The following ETV6 variants were observed in gnomAD, a reference collection of about 807,000 sequenced individuals.
ETV6 encodes the protein ETS variant transcription factor 6, also known as transcription factor ETV6.
A neutral mutation model predicts 51.1 loss-of-function variants in ETV6; 16 were observed. That is an observed-to-expected ratio of 0.31 (90% confidence interval 0.21 to 0.48). ETV6 has a LOEUF of 0.48. ETV6 is among the 20% of genes least tolerant of loss of function. The pLI is 0.99. For synonymous variants in ETV6, 240 were observed against 224.1 expected, an observed-to-expected ratio of 1.07 and a Z score of -0.64; for missense variants, 458 against 594.8, an observed-to-expected ratio of 0.77 and a Z score of 2.39.
chr12:11,751,299 C>G (rs1236750425), intron 1 of ETV6: 4 of 517,688 alleles, frequency 7.7e-6, no homozygotes, highest in Non-Finnish European at 1.5e-5. Context: ...AACGTAAACA[C>G]TGCCTTCCCT....
At chr12:11,725,672 G>A (rs1865474736) in intron 1 of ETV6, among the ~76,000 whole-genome samples, 1 of 152,202 alleles carries the variant, frequency 6.6e-6, no homozygotes, top group African/African-American at 2.4e-5. Context: ...GGTCATGGAA[G>A]TGGATCCCTC....
intron 1 of ETV6, among the ~76,000 whole-genome samples, chr12:11,667,202 G>C (rs1264796482): frequency 6.6e-6 from 1 of 152,216 alleles, no homozygotes; most frequent in Non-Finnish European, 1.5e-5. Flanking sequence ...AAGGCCGATG[G>C]ATAGTAGTTG....
At chr12:11,854,912 A>G (rs1946607809) in intron 4 of ETV6, among the ~76,000 whole-genome samples, 1 of 152,140 alleles carries the variant, frequency 6.6e-6, no homozygotes, top group African/African-American at 2.4e-5. Flanking sequence ...GTTCCTCTTA[A>G]TCATTGGTAG....
intron 2 of ETV6, among the ~76,000 whole-genome samples, chr12:11,812,719 A>G (rs1186747792): frequency 6.6e-6 from 1 of 152,184 alleles, no homozygotes; most frequent in African/African-American, 2.4e-5. Flanking sequence ...GGACTGTAAC[A>G]AAAGGCTTCT....
intron 1 of ETV6, among the ~76,000 whole-genome samples, chr12:11,678,910 G>C (rs1864472793): frequency 6.6e-6 from 1 of 152,144 alleles, no homozygotes; most frequent in South Asian, 2.1e-4. Flanking sequence ...TCTTGTTCTT[G>C]TTCTGTTCAG....
chr12:11,769,049 A>G, intron 2 of ETV6: 1 of 431,654 alleles, frequency 2.3e-6, no homozygotes, highest in South Asian at 1.7e-5. Flanking sequence ...GAGAGAAAAA[A>G]CTTGGATAAT....
intron 7 of ETV6, 62 bp downstream of exon 7, chr12:11,886,088 G>A: frequency 8.5e-7 from 1 of 1,178,576 alleles, no homozygotes; most frequent in Non-Finnish European, 1.3e-6. Context: ...TAAATAACGG[G>A]GAGTGGGGGG....
Position 11,894,790 on chromosome 12 carries a change from C to T in ETV6, c.*3744C>T, listed in dbSNP as rs1439990476. ...AGTGACTTGCCCTAGGAGCAGACAG[C>T]ATGCCAAGAATGGAATTAGGCTCAG... is the stretch of plus-strand genomic sequence containing the variant. On this transcript the variant is annotated 3_prime_UTR_variant, in exon 8 of 8. Transcript: ENST00000396373. The T allele has an allele frequency of 4.3e-6, 1 of 233,330 alleles. No homozygotes were observed. Among genetic ancestry groups the T allele is most frequent in the East Asian group, 6.0e-5 (1 of 16,586 alleles). 14.5% of individuals were successfully genotyped at this position (233,330 alleles called of 1,614,324 possible).
intron 2 of ETV6, among the ~76,000 whole-genome samples, chr12:11,804,470 C>A (rs1374105025): frequency 6.7e-6 from 1 of 150,140 alleles, no homozygotes; most frequent in Non-Finnish European, 1.5e-5. Context: ...CCACCCTGAT[C>A]TTTTTGCTAT....
chr12:11,695,674 A>G (rs1460111781), intron 1 of ETV6, among the ~76,000 whole-genome samples: 2 of 152,170 alleles, frequency 1.3e-5, no homozygotes, highest in Non-Finnish European at 2.9e-5. Flanking sequence ...TCTCGCCTTC[A>G]TGGCTGTCCT....
intron 7 of ETV6, among the ~76,000 whole-genome samples, chr12:11,888,393 C>CTTTTTTT (rs869299738): frequency 4.1e-5 from 2 of 48,290 alleles, no homozygotes; most frequent in African/African-American, 1.3e-4. Context: ...CTTTTCTTTT[C>CTTTTTTT]TTTTCTTTTT....
rs752315499 is a variant in ETV6 at position 11,894,247 on chromosome 12, AG to A, written c.*3202del. ...GGGTGTTGTCAGGAGACAAATCTGA[AG>A]TCAGGAGAGGAAAATGCAAAGGAGC... On this transcript the variant is annotated 3_prime_UTR_variant, in exon 8 of 8. Coordinates refer to ENST00000396373, the MANE Select transcript of ETV6 (RefSeq NM_001987.5). 13 of 232,642 alleles carry A rather than the reference AG, an allele frequency of 5.6e-5. No homozygotes were observed. Among genetic ancestry groups the A allele is most frequent in the East Asian group, 1.8e-4 (3 of 16,522 alleles). The allele number at this position is 232,642 out of a possible 1,614,324, so 14.4% of individuals were successfully genotyped here. A position where few individuals can be genotyped will look rare whatever the true frequency, so the allele number is the denominator to read the frequency against.
At chr12:11,854,464 G>A (rs1366789229) in intron 4 of ETV6, among the ~76,000 whole-genome samples, 1 of 152,164 alleles carries the variant, frequency 6.6e-6, no homozygotes, top group Non-Finnish European at 1.5e-5. Context: ...GAACATTCCA[G>A]GCAAAGAAAA....
intron 5 of ETV6, among the ~76,000 whole-genome samples, chr12:11,873,039 A>G (rs1238842051): frequency 6.6e-6 from 1 of 152,180 alleles, no homozygotes; most frequent in Non-Finnish European, 1.5e-5. Flanking sequence ...GGAATGCGTT[A>G]ACTCCTTCAG....
At chr12:11,690,426 A>C (rs961756522) in intron 1 of ETV6, among the ~76,000 whole-genome samples, 11 of 152,134 alleles carry the variant, frequency 7.2e-5, no homozygotes, top group African/African-American at 2.7e-4. Context: ...TTCAAAACAC[A>C]TTATCTTCAT....
chr12:11,743,711 A>G (rs1297519506), intron 1 of ETV6, among the ~76,000 whole-genome samples: 1 of 152,244 alleles, frequency 6.6e-6, no homozygotes, highest in Non-Finnish European at 1.5e-5. Flanking sequence ...TTTCGAAAAG[A>G]TAAATCACAG....
At chr12:11,742,899 TGG>T (rs1229928182) in intron 1 of ETV6, among the ~76,000 whole-genome samples, 2 of 147,738 alleles carry the variant, frequency 1.4e-5, no homozygotes, top group African/African-American at 4.9e-5. Flanking sequence ...CTCAACCTCC[TGG>T]GCTCAAGTGA....
chr12:11,886,215 G>A (rs933425458), intron 7 of ETV6, among the ~76,000 whole-genome samples, 189 bp downstream of exon 7: 1 of 152,156 alleles, frequency 6.6e-6, no homozygotes, highest in African/African-American at 2.4e-5. Context: ...ACTTATGTCT[G>A]TCCTGTAATA....
chr12:11,708,548 G>A (rs542632598), intron 1 of ETV6, among the ~76,000 whole-genome samples: 38 of 152,326 alleles, frequency 2.5e-4, no homozygotes, highest in African/African-American at 9.1e-4. Flanking sequence ...CCCCTGTCTT[G>A]TGTACATTCC....
Sources: allele counts gnomAD v4.1 joint callset (sites outside exome capture counted in the v4.1 genomes callset), GRCh38; gene constraint gnomAD v4.1.1; transcripts MANE v1.5; gene names NCBI Gene and HGNC (gene_info 2026-07-23, HGNC 2026-07-21).